The following BMP7 variants were observed in gnomAD, a reference collection of about 807,000 sequenced individuals.
The protein encoded by BMP7 is bone morphogenetic protein 7.
BMP7 carries 12 observed loss-of-function variants against 41.2 expected under a neutral mutation model. The observed-to-expected ratio is 0.29, with a 90% confidence interval of 0.19 to 0.47. The LOEUF (loss-of-function observed/expected upper bound fraction) is 0.47, where lower values mean the gene tolerates loss of function less well. Among genes scored for constraint, BMP7 ranks in the 20% least tolerant of loss-of-function variants. BMP7 has a pLI of 0.99. For synonymous variants in BMP7, 248 were observed against 250.0 expected (o/e 0.99, Z 0.07); for missense variants, 467 against 606.0 (o/e 0.77, Z 2.41).
chr20:57,221,811 C>CAAAAA (rs57893562), intron 2 of BMP7, among the ~76,000 whole-genome samples: 1 of 127,612 alleles, frequency 7.8e-6, no homozygotes, highest in South Asian at 2.5e-4. Context: ...CCCTATCTCT[C>CAAAAA]AAAAAAAAAA....
rs1255505749 is a variant in BMP7 at position 57,219,216 on chromosome 20, T to C, written c.611+9013A>G. Among the ~76,000 whole-genome samples, 3 of 143,378 alleles carry C rather than the reference T, an allele frequency of 2.1e-5. 1 individual carries two copies. Among genetic ancestry groups the C allele is most frequent in the African/African-American group, 9.1e-5 (3 of 33,052 alleles). 94.1% of individuals were successfully genotyped at this position (143,378 alleles called of 152,430 possible). The stretch of plus-strand genomic sequence containing the variant: ...GTGGTAGCTGGTGTTTGTTCGGTGG[T>C]AGGTGGTGTTTGGTGGTAGCTGGTG... On this transcript the variant is annotated intron_variant, in intron 2 of 6. Transcript: ENST00000395863.
At chr20:57,176,492 G>A (rs898833773) in intron 4 of BMP7, among the ~76,000 whole-genome samples, 9 of 152,084 alleles carry the variant, frequency 5.9e-5, no homozygotes, top group Admixed American at 6.6e-5. Flanking sequence ...CCCAGGTGTC[G>A]CCCTTAGAGG....
chr20:57,220,490 G>A (rs571332946), intron 2 of BMP7, among the ~76,000 whole-genome samples: 21 of 152,316 alleles, frequency 1.4e-4, no homozygotes, highest in African/African-American at 4.8e-4. Flanking sequence ...GGAAAAATGA[G>A]CTTCTATAGG....
intron 3 of BMP7, among the ~76,000 whole-genome samples, chr20:57,199,336 G>T (rs777236494): frequency 6.6e-6 from 1 of 152,198 alleles, no homozygotes; most frequent in Non-Finnish European, 1.5e-5. Flanking sequence ...CCAGAGTGTT[G>T]TCACTGGGCC....
intron 3 of BMP7, among the ~76,000 whole-genome samples, chr20:57,192,350 G>GTA (rs1242488760): frequency 5.6e-4 from 80 of 142,120 alleles, no homozygotes; most frequent in East Asian, 1.4e-3. Flanking sequence ...TTTTTTATGT[G>GTA]TATATATATA....
At chr20:57,227,661 T>C (rs2066012650) in intron 2 of BMP7, among the ~76,000 whole-genome samples, 1 of 152,208 alleles carries the variant, frequency 6.6e-6, no homozygotes, top group Non-Finnish European at 1.5e-5. Context: ...ATGCACCTGC[T>C]AAATGTCCCA....
At chr20:57,195,024 G>A (rs1299262022) in intron 3 of BMP7, among the ~76,000 whole-genome samples, 2 of 152,208 alleles carry the variant, frequency 1.3e-5, no homozygotes, top group Non-Finnish European at 2.9e-5. Flanking sequence ...CTTCTAAAAG[G>A]AGCCTGGTGG....
rs542320926 is a variant in BMP7 at position 57,213,410 on chromosome 20, CT to C, written c.612-10788del. Among the ~76,000 whole-genome samples, 735 of 152,344 alleles carry C rather than the reference CT, an allele frequency of 4.8e-3. 1 individual carries two copies. Among genetic ancestry groups the C allele is most frequent in the Non-Finnish European group, 8.0e-3 (542 of 68,028 alleles). On this transcript the variant is annotated intron_variant, in intron 2 of 6. Coordinates refer to ENST00000395863, the MANE Select transcript of BMP7 (RefSeq NM_001719.3). This position sits in a 1 kb window ranked among gnomAD's most constrained non-coding sequence, Gnocchi z 4.4. ...GAGAGGATCAAAAATCCAAAATGCT[CT>C]GTGGTGAAATGAGGTTGGGAAGCAC... is the stretch of plus-strand genomic sequence containing the variant.
chr20:57,245,669 T>G (rs162323), intron 1 of BMP7, among the ~76,000 whole-genome samples: 2 of 144,458 alleles, frequency 1.4e-5, no homozygotes, highest in African/African-American at 5.2e-5. Context: ...GACAGAGTCT[T>G]GCTCTGTCAC....
At chr20:57,262,650 G>T (rs957835219) in intron 1 of BMP7, among the ~76,000 whole-genome samples, 2 of 151,648 alleles carry the variant, frequency 1.3e-5, no homozygotes, top group African/African-American at 4.9e-5. Flanking sequence ...CACGCAGGCC[G>T]CCTGCCTGCA....
At chr20:57,241,515 C>T (rs2066069641) in intron 1 of BMP7, among the ~76,000 whole-genome samples, 1 of 152,226 alleles carries the variant, frequency 6.6e-6, no homozygotes, top group Non-Finnish European at 1.5e-5. Context: ...ATTGTCTCCC[C>T]TGTTCCTGAA....
intron 3 of BMP7, among the ~76,000 whole-genome samples, chr20:57,198,528 T>G (rs1984553977): frequency 6.6e-6 from 1 of 152,136 alleles, no homozygotes; most frequent in African/African-American, 2.4e-5. Flanking sequence ...CCTGGGAGTT[T>G]ATAGGCTTCT....
intron 4 of BMP7, among the ~76,000 whole-genome samples, chr20:57,176,109 A>G (rs1040446965): frequency 1.3e-5 from 2 of 152,380 alleles, no homozygotes; most frequent in East Asian, 3.9e-4. Context: ...ACTAAAAGAC[A>G]TAGAGACTTC....
intron 3 of BMP7, among the ~76,000 whole-genome samples, chr20:57,191,377 G>A (rs1300344457): frequency 1.3e-5 from 2 of 152,124 alleles, no homozygotes; most frequent in Non-Finnish European, 2.9e-5. Context: ...GGAGGAGCAT[G>A]CAAATTAGCC....
At chr20:57,256,774 G>T (rs577522037) in intron 1 of BMP7, among the ~76,000 whole-genome samples, 6 of 152,162 alleles carry the variant, frequency 3.9e-5, no homozygotes, top group Non-Finnish European at 8.8e-5. Context: ...TATAATCCTA[G>T]CAACTTCGGA....
At chr20:57,257,536 G>A (rs974547641) in intron 1 of BMP7, among the ~76,000 whole-genome samples, 1 of 151,892 alleles carries the variant, frequency 6.6e-6, no homozygotes, top group African/African-American at 2.4e-5. Flanking sequence ...TTCTATTTTT[G>A]TCTATGTTTT....
chr20:57,198,966 T>A (rs1250455387), intron 3 of BMP7, among the ~76,000 whole-genome samples: 1 of 152,186 alleles, frequency 6.6e-6, no homozygotes, highest in Admixed American at 6.5e-5. Flanking sequence ...ACGCACAGTG[T>A]AACTGCCTAG....
At chr20:57,237,613 T>C (rs1324442492) in intron 1 of BMP7, among the ~76,000 whole-genome samples, 5 of 152,244 alleles carry the variant, frequency 3.3e-5, no homozygotes, top group Non-Finnish European at 5.9e-5. Context: ...CAGACATACC[T>C]GACTACTCTA....
intron 3 of BMP7, among the ~76,000 whole-genome samples, chr20:57,198,649 G>A (rs1461017530): frequency 6.6e-6 from 1 of 152,164 alleles, no homozygotes; most frequent in Non-Finnish European, 1.5e-5. Context: ...ACGCTTCCTG[G>A]GTGGTCTCAG....
Sources: allele counts gnomAD v4.1 joint callset (sites outside exome capture counted in the v4.1 genomes callset), GRCh38; gene constraint gnomAD v4.1.1; non-coding constraint Gnocchi (gnomAD v3.1); transcripts MANE v1.5; gene names NCBI Gene and HGNC (gene_info 2026-07-23, HGNC 2026-07-21).